Variants in NOTCH2NLR observed in about 807,000 individuals in gnomAD.
NOTCH2NLR encodes the protein notch 2 N-terminal like R.
NOTCH2NLR carries 33 observed loss-of-function variants against 35.6 expected under a neutral mutation model. The observed-to-expected ratio is 0.93, with a 90% CI of 0.70 to 1.24. The LOEUF (loss-of-function observed/expected upper bound fraction) is 1.24, where lower values mean the gene tolerates loss of function less well. NOTCH2NLR is among the 50% of genes most tolerant of loss of function. NOTCH2NLR has a pLI of 0.00. For missense variants in NOTCH2NLR, 276 were observed against 362.2 expected, an observed-to-expected ratio of 0.76 and a Z score of 1.93; for synonymous variants, 103 against 141.0, an observed-to-expected ratio of 0.73 and a Z score of 1.91.
chr1:120,785,119 T>A lies in NOTCH2NLR; in HGVS notation c.301T>A (p.Cys101Ser). ...TGCCTCAGGGTTTACAGGAGAGGAC[T>A]GCCAGTACTCGACACCTCATCCATG... is the stretch of plus-strand genomic sequence containing the variant. The change falls in exon 3 of 5, where the codon TGC (cysteine) becomes AGC (serine). Residue 101 changes from cysteine (C) to serine (S), a missense_variant. By Grantham distance (112) the Cys-to-Ser change is moderately radical. Coordinates refer to ENST00000624419, the Ensembl canonical transcript of NOTCH2NLR. 4.8e-6 allele frequency: 7 copies of A among 1,446,564 alleles called. 2 individuals are homozygous for A. The highest frequency in any genetic ancestry group is 6.5e-6 in the Non-Finnish European group (7 of 1,082,446). The allele number at this position is 1,446,564 out of a possible 1,614,324, so 89.6% of individuals were successfully genotyped here.
At chr1:120,790,478 A>G (rs1651474743) in intron 3 of NOTCH2NLR, among the ~76,000 whole-genome samples, 2 of 116,472 alleles carry the variant, frequency 1.7e-5, no homozygotes, top group South Asian at 5.0e-4. Flanking sequence ...GTTAGTGCCT[A>G]TACATAATAT....
rs1315810216 is a variant in NOTCH2NLR at position 120,767,646 on chromosome 1, G to C, written c.155+3937G>C. ...TCTTAATAAAGCCCTCTCACTACAG[G>C]GAGATAAGATATTTTATTCTTTCCC... On this transcript the variant is annotated intron_variant, in intron 2 of 4. Transcript: ENST00000624419. Among the ~76,000 whole-genome samples the C allele has an allele frequency of 3.1e-5, 3 of 97,054 alleles. 1 individual carries two copies. Among genetic ancestry groups the C allele is most frequent in the Non-Finnish European group, 5.6e-5 (3 of 53,656 alleles). 63.7% of individuals were successfully genotyped at this position (97,054 alleles called of 152,430 possible).
intron 1 of NOTCH2NLR, among the ~76,000 whole-genome samples, chr1:120,724,487 C>T (rs1186017803): frequency 1.6e-5 from 2 of 121,452 alleles, no homozygotes; most frequent in East Asian, 2.1e-4. Context: ...ACCCCTCACA[C>T]GCCTCCTCGG....
At chr1:120,793,816 G>T (rs1651523654) in exon 5 of NOTCH2NLR, 2 of 946,524 alleles carry the variant, frequency 2.1e-6, no homozygotes, top group Non-Finnish European at 3.2e-6. Context: ...AAAAGAACAC[G>T]ATGAGAATTA....
At chr1:120,793,576 T>C in intron 4 of NOTCH2NLR, 80 bp downstream of exon 4, 1 of 1,075,938 alleles carries the variant, frequency 9.3e-7, no homozygotes, top group Non-Finnish European at 1.3e-6. Context: ...AATTGCATTT[T>C]TTAGGAAGCG....
chr1:120,776,232 A>G (rs1227193431), intron 2 of NOTCH2NLR, among the ~76,000 whole-genome samples: 1 of 116,680 alleles, frequency 8.6e-6, no homozygotes, highest in East Asian at 2.1e-4. Flanking sequence ...ACACAGGCTC[A>G]GGGTTATTAA....
intron 1 of NOTCH2NLR, among the ~76,000 whole-genome samples, chr1:120,752,552 A>ATT (rs1386751525): frequency 7.5e-3 from 67 of 8,978 alleles, no homozygotes; most frequent in Admixed American, 0.014. Context: ...ATATATATAT[A>ATT]TATTTTTTTT....
At chr1:120,793,405 A>G in exon 4 of NOTCH2NLR, 1 of 1,439,624 alleles carries the variant, frequency 6.9e-7, no homozygotes, top group Non-Finnish European at 9.3e-7. Context: ...ACTGTGACAG[A>G]CTGTATGTGC....
intron 2 of NOTCH2NLR, among the ~76,000 whole-genome samples, chr1:120,764,198 G>A (rs1376206447): frequency 0.04 from 4,607 of 115,314 alleles, 926 homozygotes; most frequent in Non-Finnish European, 0.055. Flanking sequence ...AGTGAGCTGA[G>A]ACCACATCAT....
At chr1:120,767,873 C>T (rs1651210843) in intron 2 of NOTCH2NLR, among the ~76,000 whole-genome samples, 1 of 113,248 alleles carries the variant, frequency 8.8e-6, no homozygotes, top group East Asian at 2.2e-4. Context: ...ATTTTAAGGA[C>T]ATTTATTGTA....
chr1:120,724,138 G>T (rs1357506191), exon 1 of NOTCH2NLR: 2 of 1,363,620 alleles, frequency 1.5e-6, no homozygotes, highest in Non-Finnish European at 1.9e-6. Flanking sequence ...AGGCGGCGGC[G>T]GCGGCGGCGG....
chr1:120,724,945 AGGCGC>A (rs1650801750), intron 1 of NOTCH2NLR, among the ~76,000 whole-genome samples: 1 of 63,670 alleles, frequency 1.6e-5, no homozygotes, highest in East Asian at 3.2e-4. Flanking sequence ...ATTCTTTCCG[AGGCGC>A]GGAGCTCTGC....
At position 120,769,578 on chromosome 1, in the gene NOTCH2NLR, T is replaced by C. The variant is rs1166538944; in HGVS notation, c.155+5869T>C. ...TTTTAACATAAAACAAAGAATGCTG[T>C]TTTTTTGGCTCATTAAATACCTCTC... On this transcript the variant is annotated intron_variant, in intron 2 of 4. Coordinates refer to ENST00000624419, the Ensembl canonical transcript of NOTCH2NLR. 2.0e-4 allele frequency among the ~76,000 whole-genome samples: 25 copies of C among 122,608 alleles called. 3 individuals carry two copies. Among genetic ancestry groups the C allele is most frequent in the East Asian group, 1.6e-3 (8 of 4,996 alleles). 80.4% of individuals were successfully genotyped at this position (122,608 alleles called of 152,430 possible).
At chr1:120,761,067 C>A (rs1446167311) in intron 1 of NOTCH2NLR, among the ~76,000 whole-genome samples, 6 of 124,920 alleles carry the variant, frequency 4.8e-5, no homozygotes, top group Non-Finnish European at 9.9e-5. Flanking sequence ...TAATTATTAG[C>A]CTGGTAAGCC....
At chr1:120,728,025 A>G (rs1650834602) in intron 1 of NOTCH2NLR, among the ~76,000 whole-genome samples, 1 of 118,774 alleles carries the variant, frequency 8.4e-6, no homozygotes, top group Non-Finnish European at 1.6e-5. Context: ...TCACAGAGCC[A>G]ATTAGAGTTG....
chr1:120,765,030 A>G (rs1316878191), intron 2 of NOTCH2NLR, among the ~76,000 whole-genome samples: 1 of 94,158 alleles, frequency 1.1e-5, no homozygotes, highest in African/African-American at 6.8e-5. Flanking sequence ...TTTCTTCACT[A>G]AAGTGAAAAT....
rs1273190709 is a variant in NOTCH2NLR at position 120,761,123 on chromosome 1, G to A, written c.74-2505G>A. Among the ~76,000 whole-genome samples, 5 of 124,652 alleles carry A rather than the reference G, an allele frequency of 4.0e-5. 1 individual carries two copies. Among genetic ancestry groups the A allele is most frequent in the Non-Finnish European group, 8.2e-5 (5 of 60,820 alleles). 81.8% of individuals were successfully genotyped at this position (124,652 alleles called of 152,430 possible). ...AGTTTGATTGGTTCACTAGGGCTAG[G>A]CTGTAAAGTTATTTGCTAGATTGAT... On this transcript the variant is annotated intron_variant, in intron 1 of 4. Transcript: ENST00000624419.
chr1:120,734,407 T>C (rs1394676565), intron 1 of NOTCH2NLR, among the ~76,000 whole-genome samples: 2 of 91,782 alleles, frequency 2.2e-5, no homozygotes, highest in Non-Finnish European at 4.1e-5. Flanking sequence ...CAATATTTTC[T>C]TTTTTTTTTT....
In NOTCH2NLR at chr1:120,764,137, C is replaced by T. The variant is rs1332140262; in HGVS notation, c.155+428C>T. On this transcript the variant is annotated intron_variant, in intron 2 of 4. Transcript: ENST00000624419. Reference sequence around the variant, plus strand: ...TGGCGCATGACTGGAGTCCCAGCTACTCGGGAGGCTGAGGCAGGAGAGTGA... The same window carrying T: ...TGGCGCATGACTGGAGTCCCAGCTATTCGGGAGGCTGAGGCAGGAGAGTGA... Among the ~76,000 whole-genome samples the T allele has an allele frequency of 6.2e-5, 7 of 112,086 alleles. 2 individuals are homozygous for T. Among genetic ancestry groups the T allele is most frequent in the African/African-American group, 2.6e-4 (5 of 19,504 alleles). 73.5% of individuals were successfully genotyped at this position (112,086 alleles called of 152,430 possible).
Sources: allele counts gnomAD v4.1 joint callset (sites outside exome capture counted in the v4.1 genomes callset), GRCh38; gene constraint gnomAD v4.1.1; transcripts MANE v1.5; gene names NCBI Gene and HGNC (gene_info 2026-07-23, HGNC 2026-07-21).